The following ANKRD12 variants were observed in gnomAD, a reference collection of about 807,000 sequenced individuals.
ANKRD12 encodes the protein ankyrin repeat domain 12, also known as ankyrin repeat domain-containing protein 12.
In ANKRD12, 85 loss-of-function variants were observed where a neutral mutation model predicts 183.4. That is an observed-to-expected ratio of 0.46 (90% CI 0.39 to 0.56). ANKRD12 has a LOEUF of 0.56. Among genes scored for constraint, ANKRD12 ranks in the 20% least tolerant of loss-of-function variants. The pLI, the probability that ANKRD12 is intolerant of heterozygous loss-of-function variation, is 0.00. For missense variants in ANKRD12, 2,405 were observed against 2,357.1 expected (o/e 1.02, Z -0.42); for synonymous variants, 914 against 800.2 (o/e 1.14, Z -2.40).
chr18:9,276,884 A>G (rs2039867488), intron 11 of ANKRD12, among the ~76,000 whole-genome samples: 1 of 152,210 alleles, frequency 6.6e-6, no homozygotes, highest in Non-Finnish European at 1.5e-5. Flanking sequence ...GAACTTTCAT[A>G]TTTAAAGATG....
intron 5 of ANKRD12, among the ~76,000 whole-genome samples, chr18:9,211,382 G>A (rs1183508818): frequency 6.6e-6 from 1 of 151,636 alleles, no homozygotes; most frequent in Non-Finnish European, 1.5e-5. Flanking sequence ...TTTTTAATTG[G>A]CTAATGATAT....
At position 9,136,903 on chromosome 18, in the gene ANKRD12, A is replaced by T. The variant is rs1212339280; in HGVS notation, c.-114A>T. On this transcript the variant is annotated 5_prime_UTR_variant, in exon 1 of 13. Transcript: ENST00000262126. ...CTGCAGCGGCGACGAAGACAACGACAGCGACGGCTACGCCGAAGCACTCGT... is the reference window on the plus strand; with the variant it reads ...CTGCAGCGGCGACGAAGACAACGACTGCGACGGCTACGCCGAAGCACTCGT... The T allele has an allele frequency of 6.6e-6, 1 of 152,388 alleles. No individual in the cohort carries two copies. The allele number at this position is 152,388 out of a possible 1,614,324, so 9.4% of individuals were successfully genotyped here.
Position 9,279,565 on chromosome 18 carries a change from C to T in ANKRD12, c.5924C>T (p.Thr1975Ile). The change falls in exon 12 of 13, where the codon ACT becomes ATT. Residue 1975 changes from threonine (T) to isoleucine (I), a missense_variant. By Grantham distance (89) the Thr-to-Ile change is moderately conservative. This residue lies in a region of ANKRD12 where 162 missense variants were observed against 272.2 expected (regional missense o/e 0.60). Coordinates refer to ENST00000262126, the MANE Select transcript of ANKRD12 (RefSeq NM_015208.5). ...PLDSQSDDSK[T>I]SVRDRFNARQ... ...CTCTTTTAGTCTGATGACAGTAAAA[C>T]TTCTGTGAGGGATCGCTTTAATGCA... is the stretch of plus-strand genomic sequence containing the variant. 1 of 1,598,744 alleles carries T rather than the reference C, an allele frequency of 6.3e-7. No homozygotes were observed. Among genetic ancestry groups the T allele is most frequent in the South Asian group, 1.1e-5 (1 of 87,596 alleles).
intron 8 of ANKRD12, among the ~76,000 whole-genome samples, chr18:9,222,587 A>G (rs1350196204): frequency 1.4e-4 from 21 of 152,126 alleles, no homozygotes; most frequent in Non-Finnish European, 2.9e-5. Flanking sequence ...ATTCAGTGAA[A>G]AAGAGTTTCA....
In ANKRD12 at chr18:9,256,218, C is replaced by G; in HGVS notation, c.2951C>G (p.Ser984Ter). Reference protein sequence around the residue: ...NSKHIQEEKKSSIVDGNKAQH... With the variant: ...NSKHIQEEKK ...AAACACATACAGGAAGAAAAAAAAT[C>G]AAGTATAGTAGACGGTAATAAAGCA... The change falls in exon 9 of 13, where the codon TCA becomes TGA. Residue 984 changes from serine (S) to a stop codon, truncating the protein, a stop_gained. Coordinates refer to ENST00000262126, the MANE Select transcript of ANKRD12 (RefSeq NM_015208.5). LOFTEE classifies it high-confidence loss of function. 6.3e-7 allele frequency: 1 copy of G among 1,575,858 alleles called. No individual in the cohort carries two copies. Among genetic ancestry groups the G allele is most frequent in the Non-Finnish European group, 8.6e-7 (1 of 1,167,914 alleles).
intron 1 of ANKRD12, among the ~76,000 whole-genome samples, chr18:9,162,190 C>T (rs185061723): frequency 1.5e-4 from 23 of 151,850 alleles, no homozygotes; most frequent in African/African-American, 5.3e-4. Flanking sequence ...GCTATCCCTC[C>T]CCCAACCCCT....
At chr18:9,179,334 A>C (rs991460419) in intron 1 of ANKRD12, among the ~76,000 whole-genome samples, 3 of 152,128 alleles carry the variant, frequency 2.0e-5, no homozygotes, top group African/African-American at 7.2e-5. Context: ...AAGAGAACCC[A>C]ACATCCACGC....
At chr18:9,165,669 A>T (rs2031962417) in intron 1 of ANKRD12, among the ~76,000 whole-genome samples, 1 of 152,150 alleles carries the variant, frequency 6.6e-6, no homozygotes, top group East Asian at 1.9e-4. Flanking sequence ...TCCATGCTGT[A>T]CATGACATGT....
intron 1 of ANKRD12, among the ~76,000 whole-genome samples, chr18:9,166,412 T>C (rs997828810): frequency 6.6e-6 from 1 of 152,204 alleles, no homozygotes; most frequent in Non-Finnish European, 1.5e-5. Context: ...TGATTGCCAT[T>C]CTGACTGGTG....
chr18:9,279,506 AAGTGATTTATTGTATTTT>A (rs1470277122), intron 11 of ANKRD12, 25 bp from the exon 12 acceptor site: 1 of 1,166,438 alleles, frequency 8.6e-7, no homozygotes, highest in East Asian at 2.4e-5. Context: ...ATAGATTTTA[AAGTGATTTATTGTATTTT>A]ATAATACTCA....
intron 10 of ANKRD12, among the ~76,000 whole-genome samples, chr18:9,265,642 G>A (rs1264167157): frequency 1.3e-5 from 2 of 152,040 alleles, no homozygotes; most frequent in Non-Finnish European, 2.9e-5. Context: ...CATCATCAAA[G>A]ACCAAAGGTA....
At chr18:9,250,085 A>G (rs1255254859) in intron 8 of ANKRD12, 2 of 152,210 alleles carry the variant, frequency 1.3e-5, no homozygotes, top group East Asian at 1.9e-4. Context: ...TCAGCTAATA[A>G]TAGGGCTTAA....
intron 1 of ANKRD12, among the ~76,000 whole-genome samples, chr18:9,162,798 G>A (rs2031602010): frequency 8.7e-6 from 1 of 115,232 alleles, no homozygotes; most frequent in Non-Finnish European, 2.0e-5. Flanking sequence ...TCTCTAATCA[G>A]TGATATTGAG....
In ANKRD12 at chr18:9,216,220, C is replaced by T. The variant is rs772008869; in HGVS notation, c.653-538C>T. Among the ~76,000 whole-genome samples, 293 of 152,194 alleles carry T rather than the reference C, an allele frequency of 1.9e-3. 1 individual carries two copies. Among genetic ancestry groups the T allele is most frequent in the Non-Finnish European group, 7.9e-4 (54 of 67,994 alleles). On this transcript the variant is annotated intron_variant, in intron 6 of 12. Coordinates refer to ENST00000262126, the MANE Select transcript of ANKRD12 (RefSeq NM_015208.5). ...TCCCACCTTTACTTTTACCTCTTCT[C>T]CCTCTGCCACCTCTGAGACAGCAAG...
intron 8 of ANKRD12, among the ~76,000 whole-genome samples, chr18:9,247,672 T>G (rs2038042842): frequency 1.3e-5 from 2 of 152,182 alleles, no homozygotes; most frequent in Admixed American, 1.3e-4. Flanking sequence ...TTCCCCCTCC[T>G]TTCTTTCCTA....
At chr18:9,242,348 A>G (rs184147028) in intron 8 of ANKRD12, among the ~76,000 whole-genome samples, 7 of 152,306 alleles carry the variant, frequency 4.6e-5, no homozygotes, top group Middle Eastern at 6.8e-3. Flanking sequence ...AGTCTGTCAC[A>G]TAATTATAGT....
chr18:9,246,903 T>C (rs1056239911), intron 8 of ANKRD12, among the ~76,000 whole-genome samples: 1 of 152,156 alleles, frequency 6.6e-6, no homozygotes, highest in Non-Finnish European at 1.5e-5. Context: ...GAGCAGAGAT[T>C]TGAACCTAGG....
chr18:9,258,531 C>T lies in ANKRD12; in HGVS notation c.5264C>T (p.Thr1755Ile), dbSNP rs377222562. ...AGCAAACAGATTCTTGCTAGCTGTA[C>T]ACTATTATCAGAAAAAGACAGTGAA... ...NQSKQILASC[T>I]LLSEKDSESS... The change falls in exon 9 of 13, where the codon ACA (threonine) becomes ATA (isoleucine). Residue 1755 changes from threonine (T) to isoleucine (I), a missense_variant. Physicochemically the swap from Thr to Ile is moderately conservative, Grantham distance 89. Transcript: ENST00000262126. The T allele has an allele frequency of 6.2e-7, 1 of 1,613,602 alleles. No homozygotes were observed. The highest frequency in any genetic ancestry group is 1.3e-5 in the African/African-American group (1 of 74,892).
chr18:9,225,949 A>G (rs1037014605), intron 8 of ANKRD12, among the ~76,000 whole-genome samples: 3 of 150,908 alleles, frequency 2.0e-5, no homozygotes, highest in Admixed American at 6.6e-5. Context: ...AATCCATATT[A>G]TTTTTTGATA....
Sources: gnomAD v4.1 joint callset for allele counts (sites outside exome capture counted in the v4.1 genomes callset) on GRCh38, gnomAD v4.1.1 for gene constraint, gnomAD v4.1.1 regional missense constraint, MANE v1.5 for transcripts, NCBI Gene and HGNC (gene_info 2026-07-23, HGNC 2026-07-21) for gene names.